Variants in ZNF622 observed in about 807,000 individuals in gnomAD.
The protein encoded by ZNF622 is cytoplasmic 60S subunit biogenesis factor ZNF622.
Under a neutral mutation model 49.7 loss-of-function variants are expected in ZNF622, and 34 were observed. That is an observed-to-expected ratio of 0.68 (90% CI 0.52 to 0.91). The LOEUF (loss-of-function observed/expected upper bound fraction) is 0.91, where lower values mean the gene tolerates loss of function less well. ZNF622 is among the 40% of genes least tolerant of loss of function. The pLI is 0.00. For missense variants in ZNF622, 569 were observed against 616.4 expected (o/e 0.92, Z 0.81); for synonymous variants, 209 against 228.7 (o/e 0.91, Z 0.78).
chr5:16,461,651 TAGA>T (rs1250068346), intron 3 of ZNF622, among the ~76,000 whole-genome samples: 4 of 151,478 alleles, frequency 2.6e-5, no homozygotes, highest in African/African-American at 9.8e-5. Context: ...CTTAAGTAAC[TAGA>T]AGGACAGAGA....
At chr5:16,455,152 G>T (rs868805622) in intron 4 of ZNF622, among the ~76,000 whole-genome samples, 36 of 152,164 alleles carry the variant, frequency 2.4e-4, no homozygotes, top group Admixed American at 1.3e-4. Context: ...ATGAATAAAG[G>T]ATAGTTGGCT....
In ZNF622 at chr5:16,465,611, G is replaced by A; in HGVS notation, c.55C>T (p.Gln19Ter). Reference sequence around the variant, plus strand: ...CAGTCCGTCTTATAGTGGGCCCGCTGCATGTCCGCGTCGCGGAACGCCACC... The same window carrying A: ...CAGTCCGTCTTATAGTGGGCCCGCTACATGTCCGCGTCGCGGAACGCCACC... ...CRVAFRDADM[Q>*]RAHYKTDWHR... is the part of the protein sequence containing the mutation. The change falls in exon 1 of 6, where the codon CAG (glutamine) becomes TAG (stop). Residue 19 changes from glutamine (Q) to a stop codon, truncating the protein, a stop_gained. Coordinates refer to ENST00000308683, the MANE Select transcript of ZNF622 (RefSeq NM_033414.3). LOFTEE classifies it high-confidence loss of function. This position sits in a 1 kb window ranked among gnomAD's most constrained non-coding sequence, Gnocchi z 6.2. The A allele has an allele frequency of 6.2e-7, 1 of 1,601,816 alleles. No individual in the cohort carries two copies.
At chr5:16,452,115 T>C (rs1437667546) in intron 5 of ZNF622, among the ~76,000 whole-genome samples, 1 of 152,212 alleles carries the variant, frequency 6.6e-6, no homozygotes, top group African/African-American at 2.4e-5. Flanking sequence ...TACTTCCTGA[T>C]AAGAGTAAGA....
chr5:16,458,457 A>T (rs1738067973), intron 4 of ZNF622, 60 bp downstream of exon 4: 1 of 1,145,458 alleles, frequency 8.7e-7, no homozygotes, highest in East Asian at 2.3e-5. Flanking sequence ...ATTGATGGAG[A>T]TATGCTTCTC....
intron 3 of ZNF622, among the ~76,000 whole-genome samples, chr5:16,459,189 T>G (rs1027961648): frequency 1.3e-5 from 2 of 152,130 alleles, no homozygotes; most frequent in Non-Finnish European, 2.9e-5. Flanking sequence ...ATCTCTATAT[T>G]CCTAAAAATG....
intron 3 of ZNF622, among the ~76,000 whole-genome samples, chr5:16,461,315 G>C (rs1336686581): frequency 6.6e-6 from 1 of 152,250 alleles, no homozygotes; most frequent in African/African-American, 2.4e-5. Flanking sequence ...TTTACTTTGA[G>C]TAAGATAGGT....
chr5:16,458,409 T>C (rs1196916603), intron 4 of ZNF622, 108 bp downstream of exon 4: 15 of 790,982 alleles, frequency 1.9e-5, no homozygotes, highest in Non-Finnish European at 3.1e-5. Flanking sequence ...AAACATATAC[T>C]TTAAGCTTAT....
At position 16,464,990 on chromosome 5, in the gene ZNF622, A is replaced by G; in HGVS notation, c.625+51T>C. The G allele has an allele frequency of 2.6e-6, 4 of 1,523,870 alleles. No individual in the cohort carries two copies. In the South Asian group the frequency reaches 5.3e-5, roughly 20 times the overall value. The allele number at this position is 1,523,870 out of a possible 1,614,324, so 94.4% of individuals were successfully genotyped here. A position where few individuals can be genotyped will look rare whatever the true frequency, so the allele number is the denominator to read the frequency against. ...ATCTCGAGTATAAATCTGGAAACTT[A>G]AGGGTGGGCCAAGTTCCTCTTTACC... On this transcript the variant is annotated intron_variant, in intron 1 of 5. Transcript: ENST00000308683.
chr5:16,461,375 A>G (rs1277502940), intron 3 of ZNF622, among the ~76,000 whole-genome samples: 1 of 152,248 alleles, frequency 6.6e-6, no homozygotes, highest in Non-Finnish European at 1.5e-5. Flanking sequence ...ATGTTTTAAA[A>G]GGATCCCCCT....
In ZNF622 at chr5:16,465,058, T is replaced by C; in HGVS notation, c.608A>G (p.Glu203Gly). The C allele has an allele frequency of 6.3e-7, 1 of 1,596,362 alleles. No homozygotes were observed. Among genetic ancestry groups the C allele is most frequent in the Non-Finnish European group, 8.5e-7 (1 of 1,170,184 alleles). ...GCCATCACCGTCTCCATCCAGGTCC[T>C]CTTCCTCCTCCTCGCTGTCCTCCTC... ...QQEEDSEEEE[E>G]DLDGDDWEDI... Residue 203 changes from glutamate to glycine, a missense_variant, in exon 1 of 6, where the codon GAG becomes GGG. Physicochemically the swap from Glu to Gly is moderately conservative, Grantham distance 98 (BLOSUM62 -2). Transcript: ENST00000308683. The surrounding 1 kb of genome is among the most constrained non-coding windows in gnomAD (Gnocchi z 6.2).
rs1737957891 is a variant in ZNF622, at chr5:16,452,928, CA to C, written c.1306+84del. On this transcript the variant is annotated intron_variant, in intron 5 of 5. Transcript: ENST00000308683. ...TTCCCCTAGAGAGAATCCACATGGA[CA>C]ACATAAATGGAAACAACTTTCCCCA... 4 of 1,299,552 alleles carry C rather than the reference CA, an allele frequency of 3.1e-6. No individual in the cohort carries two copies. The East Asian group carries it at 8.3e-5, about 27-fold the overall frequency. The allele number at this position is 1,299,552 out of a possible 1,614,324, so 80.5% of individuals were successfully genotyped here. A position where few individuals can be genotyped will look rare whatever the true frequency, so the allele number is the denominator to read the frequency against.
chr5:16,460,711 ATTTTT>A (rs1370245149), intron 3 of ZNF622, among the ~76,000 whole-genome samples: 1 of 151,944 alleles, frequency 6.6e-6, no homozygotes, highest in African/African-American at 2.4e-5. Flanking sequence ...GCTGACTTTT[ATTTTT>A]TTAAGACAAA....
At chr5:16,456,367 C>CA (rs532638269) in intron 4 of ZNF622, among the ~76,000 whole-genome samples, 5 of 152,218 alleles carry the variant, frequency 3.3e-5, no homozygotes, top group African/African-American at 1.2e-4. Context: ...GAAGGAAACC[C>CA]AAAAAAACCT....
At position 16,458,578 on chromosome 5, in the gene ZNF622, C is replaced by T. The variant is rs1325708314; in HGVS notation, c.1101G>A (p.Glu367=). 5 of 1,613,884 alleles carry T rather than the reference C, an allele frequency of 3.1e-6. No homozygotes were observed. In the South Asian group the frequency reaches 4.4e-5, roughly 14 times the overall value. ...ATTCCAAGTTCTTTTCTGAGGGCAA[C>T]TCCTCAGCCTTATTGGGGTCCTCCC... ...KEGEDPNKAE[E]LPSEKNLEYD... is the part of the protein sequence containing the mutation. The change falls in exon 4 of 6, where the codon GAG becomes GAA. Residue 367 remains glutamate, a synonymous_variant. Coordinates refer to ENST00000308683, the MANE Select transcript of ZNF622 (RefSeq NM_033414.3).
intron 3 of ZNF622, 152 bp downstream of exon 3, chr5:16,462,956 A>G (rs2126494860): frequency 3.0e-6 from 2 of 677,772 alleles, no homozygotes; most frequent in African/African-American, 1.9e-5. Flanking sequence ...GAGTTTCTCA[A>G]CTACAAAGAA....
chr5:16,463,319 AG>A lies in ZNF622; in HGVS notation c.887-50del. On this transcript the variant is annotated intron_variant, in intron 2 of 5. Transcript: ENST00000308683. The surrounding 1 kb of genome is among the most constrained non-coding windows in gnomAD (Gnocchi z 4.2). Reference sequence around the variant, plus strand: ...AATATGAAAAAAGCTTTTTGCAACCAGATTAAATCTCACTATTTGTCACCAA... The same window carrying A: ...AATATGAAAAAAGCTTTTTGCAACCAATTAAATCTCACTATTTGTCACCAA... 6.4e-7 allele frequency: 1 copy of A among 1,555,468 alleles called. No homozygotes were observed. The highest frequency in any genetic ancestry group is 8.7e-7 in the Non-Finnish European group (1 of 1,152,982).
In ZNF622 at chr5:16,453,134, G is replaced by A; in HGVS notation, c.1185C>T (p.Ser395=). The change falls in exon 5 of 6, where the codon TCC becomes TCT. Residue 395 remains serine (S), a synonymous_variant. Coordinates refer to ENST00000308683, the MANE Select transcript of ZNF622 (RefSeq NM_033414.3). ...ATCGCTGTTTGTAGTATCTCATCAA[G>A]GAGCGATGACCCACTCTGGCACCTG... The part of the protein sequence containing the change: ...LPSGARVGHR[S]LMRYYKQRFG... 1 of 1,538,792 alleles carries A rather than the reference G, an allele frequency of 6.5e-7. No homozygotes were observed. Among genetic ancestry groups the A allele is most frequent in the Non-Finnish European group, 8.8e-7 (1 of 1,136,674 alleles).
intron 4 of ZNF622, among the ~76,000 whole-genome samples, chr5:16,453,586 T>TAC: frequency 7.8e-6 from 1 of 128,478 alleles, no homozygotes; most frequent in South Asian, 2.3e-4. Context: ...TATATATATA[T>TAC]ATATATATAT....
intron 4 of ZNF622, among the ~76,000 whole-genome samples, chr5:16,455,467 T>A (rs1738011281): frequency 6.6e-6 from 1 of 152,244 alleles, no homozygotes. Context: ...AAGCTTTCGA[T>A]TCAAAGACAT....
Sources: allele counts gnomAD v4.1 joint callset (sites outside exome capture counted in the v4.1 genomes callset), GRCh38; gene constraint gnomAD v4.1.1; non-coding constraint Gnocchi (gnomAD v3.1); transcripts MANE v1.5; gene names NCBI Gene and HGNC (gene_info 2026-07-23, HGNC 2026-07-21).